PCDHGA11: variants seen among roughly 807,000 people sequenced by gnomAD.
PCDHGA11 encodes the protein protocadherin gamma subfamily A, 11.
A neutral mutation model predicts 60.4 loss-of-function variants in PCDHGA11; 39 were observed. That is an observed-to-expected ratio of 0.65 (90% CI 0.50 to 0.84). The LOEUF is 0.84. Among genes scored for constraint, PCDHGA11 ranks in the 40% least tolerant of loss-of-function variants. The pLI, the probability that PCDHGA11 is intolerant of heterozygous loss-of-function variation, is 0.00. For synonymous variants in PCDHGA11, 533 were observed against 510.3 expected, an observed-to-expected ratio of 1.04 and a Z score of -0.60; for missense variants, 1,165 against 1,197.7, an observed-to-expected ratio of 0.97 and a Z score of 0.40.
chr5:141,500,340 C>T (rs188966393), intron 2 of PCDHGA11, among the ~76,000 whole-genome samples: 1 of 151,950 alleles, frequency 6.6e-6, no homozygotes, highest in East Asian at 1.9e-4. Flanking sequence ...TCCAGAATAG[C>T]TGGGACTACA....
At chr5:141,471,590 T>C (rs2099260583) in intron 1 of PCDHGA11, 1 of 152,120 alleles carries the variant, frequency 6.6e-6, no homozygotes. Flanking sequence ...AAGTAATTGA[T>C]AGTTTCAAAA....
Position 141,484,782 on chromosome 5 carries a change from C to A in PCDHGA11, c.2434-10025C>A, listed in dbSNP as rs572593816. 2.0e-5 allele frequency among the ~76,000 whole-genome samples: 3 copies of A among 152,066 alleles called. No homozygotes were observed. In the South Asian group the frequency reaches 6.3e-4, roughly 32 times the overall value. On this transcript the variant is annotated intron_variant, in intron 1 of 3. Transcript: ENST00000398587. Reference sequence around the variant, plus strand: ...TATATATATGTTGTCTGCCTCCCCACAGAGATAACAACCCGTGGAAAAACA... The same window carrying A: ...TATATATATGTTGTCTGCCTCCCCAAAGAGATAACAACCCGTGGAAAAACA...
chr5:141,489,247 C>T lies in PCDHGA11; in HGVS notation c.2434-5560C>T. 6.5e-7 allele frequency: 1 copy of T among 1,546,012 alleles called. No individual in the cohort carries two copies. The highest frequency in any genetic ancestry group is 8.7e-7 in the Non-Finnish European group (1 of 1,146,298). ...ACAAAGGGACTTCTGGGTCATGGGGCCCAAGACACTCCCACAGCTCGCTGG... is the reference window on the plus strand; with the variant it reads ...ACAAAGGGACTTCTGGGTCATGGGGTCCAAGACACTCCCACAGCTCGCTGG... On this transcript the variant is annotated intron_variant, in intron 1 of 3. Coordinates refer to ENST00000398587, the MANE Select transcript of PCDHGA11 (RefSeq NM_018914.3). This position sits in a 1 kb window ranked among gnomAD's most constrained non-coding sequence, Gnocchi z 4.5.
At position 141,489,646 on chromosome 5, in the gene PCDHGA11, C is replaced by A. The variant is rs1274955075; in HGVS notation, c.2434-5161C>A. 1.2e-6 allele frequency: 2 copies of A among 1,614,186 alleles called. No homozygotes were observed. The highest frequency in any genetic ancestry group is 2.7e-5 in the African/African-American group (2 of 75,048). On this transcript the variant is annotated intron_variant, in intron 1 of 3. Coordinates refer to ENST00000398587, the MANE Select transcript of PCDHGA11 (RefSeq NM_018914.3). This position sits in a 1 kb window ranked among gnomAD's most constrained non-coding sequence, Gnocchi z 4.5. Reference sequence around the variant, plus strand: ...TGACAACTCTCCTAGCTTTGCCACCCCTGAGCGAGAGATGCGCATCTCAGA... The same window carrying A: ...TGACAACTCTCCTAGCTTTGCCACCACTGAGCGAGAGATGCGCATCTCAGA...
rs772884830 is a variant in PCDHGA11 at position 141,491,791 on chromosome 5, C to T, written c.2434-3016C>T. ...TAAGGGATTGAACTTGCATCCACTCCTCTCCGGCCGGCTTGGTCGCTGGCT... is the reference window on the plus strand; with the variant it reads ...TAAGGGATTGAACTTGCATCCACTCTTCTCCGGCCGGCTTGGTCGCTGGCT... On this transcript the variant is annotated intron_variant, in intron 1 of 3. Coordinates refer to ENST00000398587, the MANE Select transcript of PCDHGA11 (RefSeq NM_018914.3). This position sits in a 1 kb window ranked among gnomAD's most constrained non-coding sequence, Gnocchi z 6.9. The T allele has an allele frequency of 3.3e-6, 5 of 1,518,376 alleles. No homozygotes were observed. In the African/African-American group the frequency reaches 4.2e-5, roughly 13 times the overall value. The allele number at this position is 1,518,376 out of a possible 1,614,324, so 94.1% of individuals were successfully genotyped here.
Position 141,421,898 on chromosome 5 carries a change from A to T in PCDHGA11, c.671A>T (p.Lys224Met). The change falls in exon 1 of 4, where the codon AAG (lysine) becomes ATG (methionine). Residue 224 changes from lysine (K) to methionine (M), a missense_variant. Coordinates refer to ENST00000398587, the MANE Select transcript of PCDHGA11 (RefSeq NM_018914.3). ...TALDGGDPIR[K>M]GAVPIRVVVL... ...TTAGATGGAGGCGATCCCATCCGAAAGGGCGCAGTTCCCATTCGTGTGGTG... is the reference window on the plus strand; with the variant it reads ...TTAGATGGAGGCGATCCCATCCGAATGGGCGCAGTTCCCATTCGTGTGGTG... 6.2e-7 allele frequency: 1 copy of T among 1,613,736 alleles called. No individual in the cohort carries two copies. Among genetic ancestry groups the T allele is most frequent in the Non-Finnish European group, 8.5e-7 (1 of 1,179,890 alleles).
intron 3 of PCDHGA11, among the ~76,000 whole-genome samples, chr5:141,506,045 C>G (rs1379226123): frequency 6.6e-6 from 1 of 152,078 alleles, no homozygotes; most frequent in Non-Finnish European, 1.5e-5. Flanking sequence ...TCTGGTTTTC[C>G]CATAAGGTTG....
intron 1 of PCDHGA11, among the ~76,000 whole-genome samples, chr5:141,450,547 C>T (rs182695399): frequency 3.4e-4 from 51 of 150,496 alleles, no homozygotes; most frequent in African/African-American, 1.0e-3. Context: ...AATGCAGTGG[C>T]GCAGTCTCGG....
chr5:141,471,635 A>G (rs1477641248), intron 1 of PCDHGA11: 1 of 152,224 alleles, frequency 6.6e-6, no homozygotes, highest in Non-Finnish European at 1.5e-5. Context: ...GGTATGGATT[A>G]GTAATATACT....
intron 1 of PCDHGA11, among the ~76,000 whole-genome samples, chr5:141,425,406 T>C (rs915792432): frequency 3.9e-5 from 6 of 152,222 alleles, no homozygotes; most frequent in Non-Finnish European, 7.3e-5. Flanking sequence ...TCTGTTAAGG[T>C]ATAACATATA....
rs564582881 is a variant in PCDHGA11, at chr5:141,432,735, C to T, written c.2433+9075C>T. ...CAGCCCCCTCTCTCCGCCACTGTCA[C>T]GCTCACCGTGGCCGTGGCCGACAGC... On this transcript the variant is annotated intron_variant, in intron 1 of 3. Coordinates refer to ENST00000398587, the MANE Select transcript of PCDHGA11 (RefSeq NM_018914.3). This position sits in a 1 kb window ranked among gnomAD's most constrained non-coding sequence, Gnocchi z 6.0. 2 of 1,614,094 alleles carry T rather than the reference C, an allele frequency of 1.2e-6. No individual in the cohort carries two copies. The highest frequency in any genetic ancestry group is 1.1e-5 in the South Asian group (1 of 91,086).
chr5:141,506,447 A>G (rs1405495926), intron 3 of PCDHGA11, among the ~76,000 whole-genome samples: 3 of 146,906 alleles, frequency 2.0e-5, no homozygotes, highest in Non-Finnish European at 3.0e-5. Flanking sequence ...TCTGTCTCAA[A>G]AAAAAAAAAA....
At chr5:141,482,442 C>A (rs942933015) in intron 1 of PCDHGA11, among the ~76,000 whole-genome samples, 23 of 147,678 alleles carry the variant, frequency 1.6e-4, no homozygotes, top group African/African-American at 5.6e-4. Context: ...CTGATATTCA[C>A]CATTTATTAG....
intron 1 of PCDHGA11, among the ~76,000 whole-genome samples, chr5:141,434,982 A>G (rs908716553): frequency 3.3e-5 from 5 of 152,084 alleles, no homozygotes; most frequent in East Asian, 1.9e-4. Flanking sequence ...TTAATACTCT[A>G]TATCATTTTC....
At chr5:141,427,615 A>G (rs1428096450) in intron 1 of PCDHGA11, 2 of 693,732 alleles carry the variant, frequency 2.9e-6, no homozygotes, top group Non-Finnish European at 5.3e-6. Context: ...GGTGAAGTCA[A>G]CGACAATGCT....
chr5:141,462,656 A>G (rs1427673992), intron 1 of PCDHGA11, among the ~76,000 whole-genome samples: 2 of 151,950 alleles, frequency 1.3e-5, no homozygotes, highest in African/African-American at 4.8e-5. Context: ...ATCCTCAATT[A>G]TCTTCATATT....
chr5:141,443,183 TTCTC>T (rs2098370937), intron 1 of PCDHGA11, among the ~76,000 whole-genome samples: 1 of 152,184 alleles, frequency 6.6e-6, no homozygotes, highest in Non-Finnish European at 1.5e-5. Context: ...CACTGCATCA[TTCTC>T]TATAGTACAA....
At chr5:141,461,009 A>T (rs1407993113) in intron 1 of PCDHGA11, among the ~76,000 whole-genome samples, 1 of 151,542 alleles carries the variant, frequency 6.6e-6, no homozygotes, top group Admixed American at 6.6e-5. Flanking sequence ...GTATATATAT[A>T]TACCACATTT....
At position 141,432,003 on chromosome 5, in the gene PCDHGA11, T is replaced by A; in HGVS notation, c.2433+8343T>A. On this transcript the variant is annotated intron_variant, in intron 1 of 3. Coordinates refer to ENST00000398587, the MANE Select transcript of PCDHGA11 (RefSeq NM_018914.3). This position sits in a 1 kb window ranked among gnomAD's most constrained non-coding sequence, Gnocchi z 6.0. ...GACATAGTCTTGGATAGGGAACAGG[T>A]TCCTAGCTACAACATCACAGTGACC... The A allele has an allele frequency of 6.2e-7, 1 of 1,614,116 alleles. No individual in the cohort carries two copies.
Sources: allele counts gnomAD v4.1 joint callset (sites outside exome capture counted in the v4.1 genomes callset), GRCh38; gene constraint gnomAD v4.1.1; non-coding constraint Gnocchi (gnomAD v3.1); transcripts MANE v1.5; gene names NCBI Gene and HGNC (gene_info 2026-07-23, HGNC 2026-07-21).